GAS2: variants seen among roughly 807,000 people sequenced by gnomAD.
The protein encoded by GAS2 is growth arrest-specific protein 2.
In GAS2, 20 loss-of-function variants were observed where a neutral mutation model predicts 37.5. The observed-to-expected ratio is 0.53, with a 90% confidence interval of 0.37 to 0.77. The LOEUF (loss-of-function observed/expected upper bound fraction) is 0.77. Among genes scored for constraint, GAS2 ranks in the 30% least tolerant of loss-of-function variants. The probability of loss-of-function intolerance (pLI) is 0.00; values close to 1 mark genes in which losing one functional copy is unlikely to be tolerated. For missense variants in GAS2, 336 were observed against 373.4 expected (o/e 0.90, Z 0.82); for synonymous variants, 144 against 132.2 (o/e 1.09, Z -0.61).
chr11:22,791,117 A>G (rs1182010259), intron 7 of GAS2, among the ~76,000 whole-genome samples: 4 of 152,220 alleles, frequency 2.6e-5, no homozygotes, highest in Non-Finnish European at 2.9e-5. Context: ...TGTTTGGGTA[A>G]TGGATAGACA....
At chr11:22,661,522 T>C (rs918222071) in intron 1 of GAS2, among the ~76,000 whole-genome samples, 4 of 152,116 alleles carry the variant, frequency 2.6e-5, no homozygotes, top group Non-Finnish European at 5.9e-5. Context: ...AGCAAAGTGC[T>C]CAGAGCACTG....
chr11:22,628,853 T>G (rs2133802293), intron 1 of GAS2, among the ~76,000 whole-genome samples: 1 of 152,298 alleles, frequency 6.6e-6, no homozygotes, highest in African/African-American at 2.4e-5. Flanking sequence ...TACCCATAGC[T>G]TAGCTCCCAC....
intron 1 of GAS2, among the ~76,000 whole-genome samples, chr11:22,670,402 G>A (rs1454382363): frequency 6.6e-6 from 1 of 151,830 alleles, no homozygotes; most frequent in Admixed American, 6.6e-5. Context: ...CTTAGGGGCA[G>A]CATTCTTCTC....
intron 3 of GAS2, among the ~76,000 whole-genome samples, chr11:22,706,292 AGGGTAGT>A (rs1456657195): frequency 6.6e-6 from 1 of 151,988 alleles, no homozygotes. Flanking sequence ...CACTTATCCT[AGGGTAGT>A]GGCAGTGGAA....
At chr11:22,743,048 C>A (rs2134253154) in intron 5 of GAS2, among the ~76,000 whole-genome samples, 1 of 152,136 alleles carries the variant, frequency 6.6e-6, no homozygotes, top group South Asian at 2.1e-4. Context: ...CTTCCTGGAA[C>A]TAAGATGGCA....
At position 22,658,956 on chromosome 11, in the gene GAS2, T is replaced by C. The variant is rs916155136; in HGVS notation, c.-20-15894T>C. Among the ~76,000 whole-genome samples the C allele has an allele frequency of 7.9e-5, 12 of 152,350 alleles. No homozygotes were observed. In the East Asian group the frequency reaches 2.3e-3, roughly 29 times the overall value. ...GGTTGTATGCAGCATAGTTGCATCA[T>C]GTTAGTAGTATCATGTTAGGCATAA... On this transcript the variant is annotated intron_variant, in intron 1 of 5. Transcript: ENST00000528582.
intron 3 of GAS2, among the ~76,000 whole-genome samples, chr11:22,710,805 A>C (rs1405446570): frequency 6.6e-6 from 1 of 152,162 alleles, no homozygotes; most frequent in African/African-American, 2.4e-5. Context: ...TCAGGAGAAA[A>C]AGAAATCACT....
At chr11:22,724,772 G>A (rs1490888849) in intron 3 of GAS2, among the ~76,000 whole-genome samples, 5 of 152,020 alleles carry the variant, frequency 3.3e-5, no homozygotes, top group African/African-American at 1.2e-4. Flanking sequence ...ATGGATCTTT[G>A]AGATTAGACA....
chr11:22,666,988 C>T (rs1010139435), intron 1 of GAS2, 89 bp downstream of exon 1: 5 of 152,412 alleles, frequency 3.3e-5, no homozygotes, highest in African/African-American at 9.6e-5. Context: ...CCCTGCCTGT[C>T]TACTGCACCC....
intron 6 of GAS2, among the ~76,000 whole-genome samples, chr11:22,753,683 TC>T (rs1853866393): frequency 6.6e-6 from 1 of 152,090 alleles, no homozygotes; most frequent in Non-Finnish European, 1.5e-5. Flanking sequence ...CCAATGCCCC[TC>T]CCTTTCTTCA....
chr11:22,712,851 TG>T (rs962686934), intron 3 of GAS2, among the ~76,000 whole-genome samples: 15 of 151,480 alleles, frequency 9.9e-5, no homozygotes, highest in African/African-American at 3.4e-4. Context: ...CCAAGGCAGG[TG>T]GATCACTTGA....
chr11:22,698,770 T>C (rs546194240), intron 3 of GAS2, among the ~76,000 whole-genome samples: 2 of 152,214 alleles, frequency 1.3e-5, no homozygotes, highest in Admixed American at 1.3e-4. Context: ...GATAAAACAT[T>C]GTTTTAAGAA....
At chr11:22,646,759 G>C (rs1390863106) in intron 1 of GAS2, among the ~76,000 whole-genome samples, 3 of 151,972 alleles carry the variant, frequency 2.0e-5, no homozygotes, top group Non-Finnish European at 4.4e-5. Context: ...CACGGTAAAT[G>C]GCCTAGTTAA....
At chr11:22,807,815 A>G (rs937803505) in intron 7 of GAS2, among the ~76,000 whole-genome samples, 54 of 152,128 alleles carry the variant, frequency 3.5e-4, no homozygotes, top group African/African-American at 1.3e-3. Context: ...GGCAAGGAGG[A>G]GAAGTTGGTT....
At chr11:22,683,690 A>G (rs1428826988) in intron 2 of GAS2, among the ~76,000 whole-genome samples, 1 of 150,864 alleles carries the variant, frequency 6.6e-6, no homozygotes, top group Non-Finnish European at 1.5e-5. Context: ...CTTTTGACTT[A>G]ACTGTGTTTC....
chr11:22,742,621 T>C lies in GAS2; in HGVS notation c.473+4853T>C, dbSNP rs75344058. ...ATAAGCAGAGATTTGGGACTTAGTG[T>C]TGATTTTTTATGTTCAGCGGCATAA... On this transcript the variant is annotated intron_variant, in intron 5 of 7. Transcript: ENST00000454584. 7.6e-3 allele frequency among the ~76,000 whole-genome samples: 1,153 copies of C among 152,196 alleles called. 22 individuals carry two copies. Among genetic ancestry groups the C allele is most frequent in the African/African-American group, 0.026 (1,086 of 41,550 alleles).
At chr11:22,786,369 A>G (rs1284219978) in intron 7 of GAS2, among the ~76,000 whole-genome samples, 2 of 152,182 alleles carry the variant, frequency 1.3e-5, no homozygotes, top group Non-Finnish European at 2.9e-5. Flanking sequence ...AGATTAACCA[A>G]TAAGATCAGC....
chr11:22,654,310 C>A (rs1848830810), intron 1 of GAS2, among the ~76,000 whole-genome samples: 1 of 152,022 alleles, frequency 6.6e-6, no homozygotes, highest in Non-Finnish European at 1.5e-5. Flanking sequence ...TATTTTTAAA[C>A]CCCTCTAGTT....
chr11:22,720,616 G>A (rs1456530495), intron 3 of GAS2, among the ~76,000 whole-genome samples: 1 of 151,974 alleles, frequency 6.6e-6, no homozygotes. Flanking sequence ...CATGGAAAGA[G>A]TGAGTTTATT....
Sources: gnomAD v4.1 joint callset for allele counts (sites outside exome capture counted in the v4.1 genomes callset) on GRCh38, gnomAD v4.1.1 for gene constraint, MANE v1.5 for transcripts, NCBI Gene and HGNC (gene_info 2026-07-23, HGNC 2026-07-21) for gene names.